Variants in MTA1 observed in about 807,000 individuals in gnomAD.
MTA1 encodes the protein metastasis associated 1, also known as metastasis-associated protein MTA1.
MTA1 carries 15 observed loss-of-function variants against 97.0 expected under a neutral mutation model. The observed-to-expected ratio is 0.15, with a 90% CI of 0.10 to 0.24. The LOEUF (loss-of-function observed/expected upper bound fraction) is 0.24. Among genes scored for constraint, MTA1 ranks in the 10% least tolerant of loss-of-function variants. The probability of loss-of-function intolerance (pLI) is 1.00; values close to 1 mark genes in which losing one functional copy is unlikely to be tolerated. For missense variants in MTA1, 709 were observed against 1,015.1 expected, an observed-to-expected ratio of 0.70 and a Z score of 4.10; for synonymous variants, 435 against 417.5, an observed-to-expected ratio of 1.04 and a Z score of -0.51.
intron 1 of MTA1, among the ~76,000 whole-genome samples, chr14:105,427,233 C>G (rs2082039957): frequency 6.6e-6 from 1 of 152,258 alleles, no homozygotes; most frequent in African/African-American, 2.4e-5. Flanking sequence ...GCTAAAAGCC[C>G]AAGTTGCGTG....
intron 6 of MTA1, among the ~76,000 whole-genome samples, chr14:105,451,258 GCC>G (rs1246991347): frequency 6.6e-6 from 1 of 152,242 alleles, no homozygotes; most frequent in Non-Finnish European, 1.5e-5. Context: ...TACCTCTGTG[GCC>G]CCGGTCCCCA....
rs781917803 is a variant in MTA1 at position 105,463,058 on chromosome 14, A to G, written c.943-126A>G. On this transcript the variant is annotated intron_variant, in intron 10 of 20. Coordinates refer to ENST00000331320, the MANE Select transcript of MTA1 (RefSeq NM_004689.4). This position sits in a 1 kb window ranked among gnomAD's most constrained non-coding sequence, Gnocchi z 5.9. ...AGCAGGGGCCTGGCCTCCGTGCACC[A>G]AGCACACCTCGCCCTCTGGCCTCCC... 3 of 922,272 alleles carry G rather than the reference A, an allele frequency of 3.3e-6. No individual in the cohort carries two copies. The highest frequency in any genetic ancestry group is 3.0e-5 in the South Asian group (2 of 67,420). 57.1% of individuals were successfully genotyped at this position (922,272 alleles called of 1,614,324 possible).
At chr14:105,454,344 G>A in intron 7 of MTA1, 34 bp downstream of exon 7, 1 of 1,402,844 alleles carries the variant, frequency 7.1e-7, no homozygotes, top group Non-Finnish European at 1.0e-6. Flanking sequence ...GGAGCCCTCT[G>A]TCCTGTCCTG....
In MTA1 at chr14:105,460,920, T is replaced by C. The variant is rs781933559; in HGVS notation, c.909T>C (p.Tyr303=). 9.3e-6 allele frequency: 15 copies of C among 1,612,198 alleles called. No homozygotes were observed. The highest frequency in any genetic ancestry group is 1.3e-5 in the African/African-American group (1 of 74,872). Residue 303 remains tyrosine, a synonymous_variant, in exon 10 of 21, where the codon TAT becomes TAC. Coordinates refer to ENST00000331320, the MANE Select transcript of MTA1 (RefSeq NM_004689.4). ...ANLFEEALEK[Y]GKDFTDIQQD... The stretch of plus-strand genomic sequence containing the variant: ...TTTTCGAGGAAGCCCTGGAAAAATA[T>C]GGGAAGGATTTCACGGACATTCAGC...
intron 10 of MTA1, among the ~76,000 whole-genome samples, 199 bp downstream of exon 10, chr14:105,461,152 G>A (rs1156293382): frequency 6.6e-6 from 1 of 152,234 alleles, no homozygotes; most frequent in Non-Finnish European, 1.5e-5. Context: ...TCAGCAGACA[G>A]GCATGGGGGC....
At chr14:105,465,325 T>G in intron 16 of MTA1, 142 bp downstream of exon 16, 1 of 623,100 alleles carries the variant, frequency 1.6e-6, no homozygotes, top group Non-Finnish European at 2.5e-6. Flanking sequence ...CCTTTTGGGG[T>G]ACTCTGCACC....
At chr14:105,421,961 C>T (rs1289997826) in intron 1 of MTA1, among the ~76,000 whole-genome samples, 8 of 152,238 alleles carry the variant, frequency 5.3e-5, no homozygotes, top group Admixed American at 4.6e-4. Flanking sequence ...AGGGGCCCCA[C>T]CATGCCTGGC....
chr14:105,463,726 C>T lies in MTA1; in HGVS notation c.1076+175C>T, dbSNP rs73362040. The T allele has an allele frequency of 1.2e-4, 80 of 651,794 alleles. No individual in the cohort carries two copies. Among genetic ancestry groups the T allele is most frequent in the African/African-American group, 7.1e-4 (39 of 54,810 alleles). The allele number at this position is 651,794 out of a possible 1,614,324, so 40.4% of individuals were successfully genotyped here. ...GGGGTTCTGGCTGCAGACGCAGTGG[C>T]CATGTCTCTGTCGTCCTGGCCTCCT... On this transcript the variant is annotated intron_variant, in intron 12 of 20. Coordinates refer to ENST00000331320, the MANE Select transcript of MTA1 (RefSeq NM_004689.4). The surrounding 1 kb of genome is among the most constrained non-coding windows in gnomAD (Gnocchi z 5.9).
At chr14:105,448,811 G>T (rs1161353943) in intron 3 of MTA1, among the ~76,000 whole-genome samples, 3 of 152,266 alleles carry the variant, frequency 2.0e-5, no homozygotes, top group South Asian at 2.1e-4. Flanking sequence ...CAAGGGGGCC[G>T]CAGAGAGCGA....
rs587749800 is a variant in MTA1 at position 105,458,587 on chromosome 14, G to A, written c.653+215G>A. 1.2e-3 allele frequency among the ~76,000 whole-genome samples: 183 copies of A among 152,270 alleles called. 2 individuals are homozygous for A. Among genetic ancestry groups the A allele is most frequent in the African/African-American group, 4.2e-3 (176 of 41,556 alleles). On this transcript the variant is annotated intron_variant, in intron 8 of 20. Coordinates refer to ENST00000331320, the MANE Select transcript of MTA1 (RefSeq NM_004689.4). The stretch of plus-strand genomic sequence containing the variant: ...CATTAAATAGAAGGGCGGCCCTTCT[G>A]GGGGGCAGGCCTGTGTGCCTGCCCA...
chr14:105,427,073 C>T (rs1322429544), intron 1 of MTA1, among the ~76,000 whole-genome samples: 9 of 152,230 alleles, frequency 5.9e-5, no homozygotes, highest in Admixed American at 2.0e-4. Flanking sequence ...CGCCCTGCCG[C>T]ACAGCTCTTG....
At chr14:105,459,013 A>C (rs2083259254) in intron 8 of MTA1, among the ~76,000 whole-genome samples, 1 of 151,088 alleles carries the variant, frequency 6.6e-6, no homozygotes, top group Middle Eastern at 3.2e-3. Context: ...GCCTGGGGGG[A>C]GTCCGCGCTG....
Position 105,466,437 on chromosome 14 carries a change from C to T in MTA1, c.1636C>T (p.Arg546Cys), listed in dbSNP as rs782570951. The T allele has an allele frequency of 1.2e-5, 18 of 1,498,250 alleles. No individual in the cohort carries two copies. The highest frequency in any genetic ancestry group is 2.4e-5 in the East Asian group (1 of 41,958). The allele number at this position is 1,498,250 out of a possible 1,614,324, so 92.8% of individuals were successfully genotyped here. The change falls in exon 17 of 21, where the codon CGC becomes TGC. Residue 546 changes from arginine (R) to cysteine (C), a missense_variant. Physicochemically the swap from Arg to Cys is radical, Grantham distance 180 (BLOSUM62 -3). This residue lies in a region of MTA1 where 388 missense variants were observed against 421.6 expected (regional missense o/e 0.92). Coordinates refer to ENST00000331320, the MANE Select transcript of MTA1 (RefSeq NM_004689.4). ...GTCATTCCCGGCAGAGACCCACCCC[C>T]GCCCCCCCAAGCCTGACCCCGTGAA... ...AVLRYLETHPRPPKPDPVKSV... is the reference protein window; with the variant it reads ...AVLRYLETHPCPPKPDPVKSV...
At chr14:105,426,736 G>A (rs1450994255) in intron 1 of MTA1, among the ~76,000 whole-genome samples, 1 of 152,216 alleles carries the variant, frequency 6.6e-6, no homozygotes, top group Admixed American at 6.5e-5. Context: ...GACTTTGTGG[G>A]GACAGCAACG....
chr14:105,428,854 A>G (rs587718869), intron 1 of MTA1, among the ~76,000 whole-genome samples: 1 of 151,706 alleles, frequency 6.6e-6, no homozygotes, highest in South Asian at 2.1e-4. Context: ...CCTCCCGAGT[A>G]GCTAGGACTA....
chr14:105,470,390 A>C lies in MTA1; in HGVS notation c.*175A>C. 1 of 547,662 alleles carries C rather than the reference A, an allele frequency of 1.8e-6. No individual in the cohort carries two copies. The highest frequency in any genetic ancestry group is 3.0e-6 in the Non-Finnish European group (1 of 335,104). The allele number at this position is 547,662 out of a possible 1,614,324, so 33.9% of individuals were successfully genotyped here. On this transcript the variant is annotated 3_prime_UTR_variant, in exon 21 of 21. Coordinates refer to ENST00000331320, the MANE Select transcript of MTA1 (RefSeq NM_004689.4). ...GGAGAGGAAGAAGCGCGGCTAACTTATTCCGAGAATGCCGAGGAGTTGTCG... is the reference window on the plus strand; with the variant it reads ...GGAGAGGAAGAAGCGCGGCTAACTTCTTCCGAGAATGCCGAGGAGTTGTCG...
rs371747197 is a variant in MTA1 at position 105,468,444 on chromosome 14, G to A, written c.1814-1023G>A. 205 of 1,151,306 alleles carry A rather than the reference G, an allele frequency of 1.8e-4. No individual in the cohort carries two copies. In the East Asian group the frequency reaches 3.5e-3, roughly 20 times the overall value. 71.3% of individuals were successfully genotyped at this position (1,151,306 alleles called of 1,614,324 possible). A position where few individuals can be genotyped will look rare whatever the true frequency, so the allele number is the denominator to read the frequency against. On this transcript the variant is annotated intron_variant, in intron 18 of 20. Transcript: ENST00000331320. ...ATGGCTGTTCCTGCTTGGGAGCGCC[G>A]CAGATCAGGCACCTGGGCCCCCACC... is the stretch of plus-strand genomic sequence containing the variant.
In MTA1 at chr14:105,464,058, G is replaced by C. The variant is rs1555431726; in HGVS notation, c.1103G>C (p.Ser368Thr). The C allele has an allele frequency of 6.2e-7, 1 of 1,612,670 alleles. No homozygotes were observed. Among genetic ancestry groups the C allele is most frequent in the East Asian group, 2.2e-5 (1 of 44,872 alleles). ...AACAAGCCAAATCCGAACCAAATCA[G>C]CGTCAACAACGTCAAGGCCGGTGTG... ...NYNKPNPNQI[S>T]VNNVKAGVVN... The change falls in exon 13 of 21, where the codon AGC becomes ACC. Residue 368 changes from serine (S) to threonine (T), a missense_variant. This residue lies in a region of MTA1 where 321 missense variants were observed against 593.5 expected (regional missense o/e 0.54). Coordinates refer to ENST00000331320, the MANE Select transcript of MTA1 (RefSeq NM_004689.4).
chr14:105,451,445 A>C (rs587597037), intron 6 of MTA1, among the ~76,000 whole-genome samples: 1 of 152,238 alleles, frequency 6.6e-6, no homozygotes, highest in Admixed American at 6.5e-5. Context: ...AGGCTGCCAG[A>C]CCAGCTTCCC....
Sources: gnomAD v4.1 joint callset for allele counts (sites outside exome capture counted in the v4.1 genomes callset) on GRCh38, gnomAD v4.1.1 for gene constraint, gnomAD v4.1.1 regional missense constraint, Gnocchi (gnomAD v3.1) non-coding constraint, MANE v1.5 for transcripts, NCBI Gene and HGNC (gene_info 2026-07-23, HGNC 2026-07-21) for gene names.